The following ZNF600 variants were observed in gnomAD, a reference collection of about 807,000 sequenced individuals.
The protein encoded by ZNF600 is zinc finger protein KR-ZNF1.
Under a neutral mutation model 7.3 loss-of-function variants are expected in ZNF600, and 4 were observed. The observed-to-expected ratio is 0.55, with a 90% CI of 0.27 to 1.25. The LOEUF (loss-of-function observed/expected upper bound fraction) is 1.25, where lower values mean the gene tolerates loss of function less well. Among genes scored for constraint, ZNF600 ranks in the 50% most tolerant of loss-of-function variants. ZNF600 has a pLI of 0.12. For missense variants in ZNF600, 911 were observed against 922.1 expected, an observed-to-expected ratio of 0.99 and a Z score of 0.16; for synonymous variants, 290 against 308.9, an observed-to-expected ratio of 0.94 and a Z score of 0.64.
the ZNF600 span, among the ~76,000 whole-genome samples, chr19:52,791,881 G>A: frequency 6.6e-6 from 1 of 152,284 alleles, no homozygotes; most frequent in Admixed American, 6.5e-5. Context: ...CCATCCAGAG[G>A]ACAGCCCCTC....
intron 3 of ZNF600, among the ~76,000 whole-genome samples, chr19:52,772,557 T>TAA (rs2062638729): frequency 6.6e-6 from 1 of 152,162 alleles, no homozygotes; most frequent in African/African-American, 2.4e-5. Context: ...GAACTGAGAT[T>TAA]GTGCCATTGC....
the ZNF600 span, among the ~76,000 whole-genome samples, chr19:52,821,072 A>T: frequency 1.3e-5 from 2 of 150,978 alleles, no homozygotes; most frequent in Admixed American, 1.3e-4. Context: ...GCTCAGGGGA[A>T]GCGGTGACTG....
upstream of ZNF600, among the ~76,000 whole-genome samples, chr19:52,788,490 C>A (rs1047486313): frequency 1.3e-5 from 2 of 152,124 alleles, no homozygotes; most frequent in African/African-American, 4.8e-5. Context: ...AAAACACACA[C>A]ACAGGGGAGA....
the ZNF600 span, among the ~76,000 whole-genome samples, chr19:52,828,436 C>T: frequency 2.0e-5 from 3 of 152,094 alleles, no homozygotes; most frequent in African/African-American, 7.2e-5. Context: ...AATTGCACTC[C>T]AGCCTGGGTA....
the ZNF600 span, chr19:52,810,370 A>G: frequency 1.9e-6 from 3 of 1,604,972 alleles, no homozygotes; most frequent in Non-Finnish European, 2.6e-6. Context: ...GCTCACTTTC[A>G]TGGCTGTGGT....
At position 52,766,304 on chromosome 19, in the gene ZNF600, A is replaced by T; in HGVS notation, c.1659T>A (p.Tyr553Ter). 1.2e-6 allele frequency: 2 copies of T among 1,613,350 alleles called. No homozygotes were observed. The highest frequency in any genetic ancestry group is 1.7e-6 in the Non-Finnish European group (2 of 1,179,800). The change falls in exon 4 of 4, where the codon TAT (tyrosine) becomes TAA (stop). Residue 553 changes from tyrosine (Y) to a stop codon, truncating the protein, a stop_gained. Coordinates refer to ENST00000648973, the Ensembl canonical transcript of ZNF600. LOFTEE classifies it low-confidence loss of function (END_TRUNC). ...TATGAATTCTAGTATGTTTTGCCAG[A>T]TAGGAATGACACGCAAAAGCCTTGT...
At chr19:52,801,682 T>C in the ZNF600 span, 1 of 1,611,786 alleles carries the variant, frequency 6.2e-7, no homozygotes, top group South Asian at 1.1e-5. Flanking sequence ...AATGTCTTCA[T>C]CATGCATTTG....
At chr19:52,810,004 T>G in the ZNF600 span, 1 of 760,084 alleles carries the variant, frequency 1.3e-6, no homozygotes, top group Non-Finnish European at 2.3e-6. Context: ...CCTGAGGAGC[T>G]GCTGTTGGAG....
chr19:52,804,385 C>T, the ZNF600 span, among the ~76,000 whole-genome samples: 28 of 152,126 alleles, frequency 1.8e-4, no homozygotes, highest in Non-Finnish European at 3.7e-4. Context: ...GTGATTCTCC[C>T]TCCTCAGCCC....
chr19:52,782,915 CAACTA>C (rs1225982013), intron 1 of ZNF600, among the ~76,000 whole-genome samples: 11 of 149,648 alleles, frequency 7.4e-5, no homozygotes, highest in Non-Finnish European at 1.3e-4. Context: ...CACAAAAAAC[CAACTA>C]AACTAATGAA....
At chr19:52,795,251 T>A in the ZNF600 span, among the ~76,000 whole-genome samples, 58 of 152,318 alleles carry the variant, frequency 3.8e-4, 1 homozygote, top group Non-Finnish European at 3.2e-4. Context: ...ATAGGCTACA[T>A]GAACTAAATT....
At chr19:52,803,880 C>G in the ZNF600 span, among the ~76,000 whole-genome samples, 3 of 152,110 alleles carry the variant, frequency 2.0e-5, no homozygotes, top group East Asian at 5.8e-4. Context: ...ACATTTGTAC[C>G]CAGAAGGTGA....
At chr19:52,811,091 G>C in the ZNF600 span, among the ~76,000 whole-genome samples, 1 of 149,296 alleles carries the variant, frequency 6.7e-6, no homozygotes, top group Non-Finnish European at 1.5e-5. Flanking sequence ...ACGGGGTTTC[G>C]CTGTGTTGGC....
the ZNF600 span, among the ~76,000 whole-genome samples, chr19:52,813,162 T>C: frequency 1.3e-5 from 2 of 150,054 alleles, no homozygotes; most frequent in Non-Finnish European, 3.0e-5. Flanking sequence ...CTCATAGTAA[T>C]TGCTTATCTG....
upstream of ZNF600, among the ~76,000 whole-genome samples, chr19:52,788,426 T>TA (rs1303111416): frequency 4.6e-5 from 7 of 151,272 alleles, no homozygotes; most frequent in South Asian, 8.4e-4. Context: ...ATCCTGTATG[T>TA]AAAAAAAAAT....
At chr19:52,779,059 A>C (rs2062699605) in intron 1 of ZNF600, among the ~76,000 whole-genome samples, 152 bp from the exon 4 acceptor site, 1 of 152,214 alleles carries the variant, frequency 6.6e-6, no homozygotes. Context: ...AAAGTCCCAC[A>C]GGACGACCTA....
the ZNF600 span, among the ~76,000 whole-genome samples, chr19:52,806,353 C>G: frequency 3.5e-3 from 535 of 152,112 alleles, 2 homozygotes; most frequent in Non-Finnish European, 5.9e-3. Context: ...ACCACGGCGC[C>G]TGGCTAATTT....
the ZNF600 span, among the ~76,000 whole-genome samples, chr19:52,794,614 G>A: frequency 6.6e-6 from 1 of 152,164 alleles, no homozygotes; most frequent in African/African-American, 2.4e-5. Flanking sequence ...CAGCACTTTG[G>A]GAGGCTGAAG....
intron 3 of ZNF600, among the ~76,000 whole-genome samples, chr19:52,774,063 G>A (rs2062652179): frequency 6.6e-6 from 1 of 151,866 alleles, no homozygotes; most frequent in Non-Finnish European, 1.5e-5. Context: ...CAACCCAGAT[G>A]TCCATCAACA....
Sources: gnomAD v4.1 joint callset for allele counts (sites outside exome capture counted in the v4.1 genomes callset) on GRCh38, gnomAD v4.1.1 for gene constraint, MANE v1.5 for transcripts, NCBI Gene and HGNC (gene_info 2026-07-23, HGNC 2026-07-21) for gene names.